TNFAIP8: variants seen among roughly 807,000 people sequenced by gnomAD.
TNFAIP8 encodes tumor necrosis factor alpha-induced protein 8.
Under a neutral mutation model 13.3 loss-of-function variants are expected in TNFAIP8, and 7 were observed. The observed-to-expected ratio is 0.52, with a 90% CI of 0.30 to 0.99. The LOEUF is 0.99. TNFAIP8 is among the 50% of genes least tolerant of loss of function. The probability of loss-of-function intolerance (pLI) is 0.07; values close to 1 mark genes in which losing one functional copy is unlikely to be tolerated. For synonymous variants in TNFAIP8, 94 were observed against 87.6 expected (o/e 1.07, Z -0.41); for missense variants, 258 against 236.9 (o/e 1.09, Z -0.58).
chr5:119,297,607 A>G (rs1749217868), intron 1 of TNFAIP8, among the ~76,000 whole-genome samples: 1 of 152,218 alleles, frequency 6.6e-6, no homozygotes, highest in African/African-American at 2.4e-5. Context: ...AGAGTTCTGT[A>G]GATGTCTATT....
chr5:119,276,351 C>G (rs980827841), intron 1 of TNFAIP8, among the ~76,000 whole-genome samples: 2 of 152,136 alleles, frequency 1.3e-5, no homozygotes, highest in Non-Finnish European at 2.9e-5. Flanking sequence ...CTCCTGACCT[C>G]AAGTGATCCA....
At chr5:119,304,218 A>C (rs1364526210) in intron 1 of TNFAIP8, among the ~76,000 whole-genome samples, 1 of 152,074 alleles carries the variant, frequency 6.6e-6, no homozygotes, top group African/African-American at 2.4e-5. Flanking sequence ...ACCTGGCCTC[A>C]AGTGATCCTC....
At chr5:119,288,942 T>G (rs1386541239) in intron 1 of TNFAIP8, among the ~76,000 whole-genome samples, 2 of 152,242 alleles carry the variant, frequency 1.3e-5, no homozygotes, top group African/African-American at 4.8e-5. Context: ...TTGTCTAGAT[T>G]TGTGCTCCTT....
chr5:119,275,348 A>G (rs866047935), intron 1 of TNFAIP8, among the ~76,000 whole-genome samples: 2 of 152,184 alleles, frequency 1.3e-5, no homozygotes, highest in African/African-American at 4.8e-5. Context: ...GTCACCAACA[A>G]TGCTGACATC....
At chr5:119,314,338 G>A (rs946955971) in intron 1 of TNFAIP8, among the ~76,000 whole-genome samples, 3 of 152,164 alleles carry the variant, frequency 2.0e-5, no homozygotes, top group Non-Finnish European at 4.4e-5. Context: ...TGTCCTCTTG[G>A]AACTTACAAA....
In TNFAIP8 at chr5:119,397,232, A is replaced by T. The variant is rs1180566060; in HGVS notation, c.*3851A>T. 6.6e-6 allele frequency: 1 copy of T among 152,030 alleles called. No individual in the cohort carries two copies. Among genetic ancestry groups the T allele is most frequent in the Admixed American group, 6.6e-5 (1 of 15,254 alleles). The allele number at this position is 152,030 out of a possible 1,614,324, so 9.4% of individuals were successfully genotyped here. Reference sequence around the variant, plus strand: ...AGTTGGATTTTTACTAAGAATTTTAATTTATCCTTGAGATACTTGATGAGT... The same window carrying T: ...AGTTGGATTTTTACTAAGAATTTTATTTTATCCTTGAGATACTTGATGAGT... On this transcript the variant is annotated 3_prime_UTR_variant, in exon 2 of 2. Coordinates refer to ENST00000504771, the MANE Select transcript of TNFAIP8 (RefSeq NM_014350.4).
chr5:119,277,793 A>G (rs1581562392), intron 1 of TNFAIP8, among the ~76,000 whole-genome samples: 1 of 152,208 alleles, frequency 6.6e-6, no homozygotes, highest in Non-Finnish European at 1.5e-5. Flanking sequence ...CCACAGATTC[A>G]GTGTCTGGTG....
chr5:119,333,078 G>A, intron 1 of TNFAIP8: 2 of 490,162 alleles, frequency 4.1e-6, no homozygotes, highest in Non-Finnish European at 5.3e-6. Context: ...AGGCATCTGT[G>A]AATGGGGCCT....
chr5:119,356,184 T>A, intron 1 of TNFAIP8, 63 bp downstream of exon 1: 1 of 1,457,530 alleles, frequency 6.9e-7, no homozygotes, highest in African/African-American at 1.4e-5. Flanking sequence ...AGGAAGGCAG[T>A]GGTAGAAGAG....
intron 1 of TNFAIP8, chr5:119,268,937 C>G (rs1331126895): frequency 1.4e-6 from 1 of 697,014 alleles, no homozygotes; most frequent in South Asian, 1.5e-5. Flanking sequence ...GCCCGTCCCG[C>G]GCACACTCCA....
intron 1 of TNFAIP8, among the ~76,000 whole-genome samples, chr5:119,283,684 G>C (rs1209706090): frequency 6.6e-6 from 1 of 152,132 alleles, no homozygotes; most frequent in Non-Finnish European, 1.5e-5. Flanking sequence ...GTGCCCTGAA[G>C]TAAGGAGTTG....
chr5:119,275,058 G>A (rs1748397853), intron 1 of TNFAIP8, among the ~76,000 whole-genome samples: 1 of 148,642 alleles, frequency 6.7e-6, no homozygotes, highest in African/African-American at 2.5e-5. Context: ...TGAAAGTACA[G>A]AGTGGCTTTA....
intron 1 of TNFAIP8, among the ~76,000 whole-genome samples, chr5:119,305,191 G>T (rs1380992382): frequency 6.6e-6 from 1 of 152,046 alleles, no homozygotes; most frequent in Non-Finnish European, 1.5e-5. Context: ...AAAATATGGG[G>T]TATCTTAAAA....
chr5:119,307,099 G>A (rs957344991), intron 1 of TNFAIP8, among the ~76,000 whole-genome samples: 5 of 152,078 alleles, frequency 3.3e-5, no homozygotes, highest in African/African-American at 4.8e-5. Context: ...TTTGGGACTC[G>A]CCTTTTTTCC....
chr5:119,348,384 G>A (rs1005332726), intron 1 of TNFAIP8, among the ~76,000 whole-genome samples: 1 of 152,222 alleles, frequency 6.6e-6, no homozygotes, highest in East Asian at 1.9e-4. Flanking sequence ...GCAGTGGTTA[G>A]AGTGGAAATA....
Position 119,383,193 on chromosome 5 carries a change from G to A in TNFAIP8, c.32-9623G>A, listed in dbSNP as rs144841378. ...GAGAAGCTAGCTAATGCCCTTGGGC[G>A]GTTGCCAAGAAATTTCTCAGGTCTT... is the stretch of plus-strand genomic sequence containing the variant. On this transcript the variant is annotated intron_variant, in intron 1 of 1. Transcript: ENST00000504771. Among the ~76,000 whole-genome samples the A allele has an allele frequency of 3.7e-3, 568 of 152,208 alleles. 3 individuals carry two copies. Among genetic ancestry groups the A allele is most frequent in the African/African-American group, 0.013 (550 of 41,508 alleles).
intron 1 of TNFAIP8, among the ~76,000 whole-genome samples, chr5:119,363,904 G>A (rs1348483182): frequency 6.6e-6 from 1 of 152,172 alleles, no homozygotes; most frequent in African/African-American, 2.4e-5. Context: ...CTCAGGTTCA[G>A]TAATTTCCTA....
intron 1 of TNFAIP8, among the ~76,000 whole-genome samples, chr5:119,346,286 C>T: frequency 6.6e-6 from 1 of 152,102 alleles, no homozygotes; most frequent in East Asian, 1.9e-4. Context: ...CCATCATGTT[C>T]AGCAGGAGCC....
chr5:119,291,300 G>A (rs1748979483), intron 1 of TNFAIP8, among the ~76,000 whole-genome samples: 1 of 152,200 alleles, frequency 6.6e-6, no homozygotes, highest in South Asian at 2.1e-4. Flanking sequence ...CTACCTGCTA[G>A]CTGCTTGGAT....
Sources: gnomAD v4.1 joint callset for allele counts (sites outside exome capture counted in the v4.1 genomes callset) on GRCh38, gnomAD v4.1.1 for gene constraint, MANE v1.5 for transcripts, NCBI Gene and HGNC (gene_info 2026-07-23, HGNC 2026-07-21) for gene names.